Variants in UBOX5 observed in about 807,000 individuals in gnomAD.
UBOX5 encodes U-box domain containing 5.
A neutral mutation model predicts 39.0 loss-of-function variants in UBOX5; 28 were observed. That is an observed-to-expected ratio of 0.72 (90% CI 0.53 to 0.98). The LOEUF (loss-of-function observed/expected upper bound fraction) is 0.98. UBOX5 is among the 50% of genes least tolerant of loss of function. The pLI, the probability that UBOX5 is intolerant of heterozygous loss-of-function variation, is 0.00. For synonymous variants in UBOX5, 283 were observed against 275.5 expected, an observed-to-expected ratio of 1.03 and a Z score of -0.27; for missense variants, 585 against 674.4, an observed-to-expected ratio of 0.87 and a Z score of 1.47.
intron 2 of UBOX5, among the ~76,000 whole-genome samples, 180 bp downstream of exon 2, chr20:3,123,132 G>T (rs1055442003): frequency 6.6e-6 from 1 of 152,146 alleles, no homozygotes; most frequent in Non-Finnish European, 1.5e-5. Context: ...TCACCATGGC[G>T]CTGTGTGATT....
chr20:3,120,477 T>C (rs1233112293), intron 3 of UBOX5, among the ~76,000 whole-genome samples: 1 of 150,756 alleles, frequency 6.6e-6, no homozygotes, highest in Admixed American at 6.6e-5. Context: ...TGAAACCCCG[T>C]CTTTACTAAA....
intron 1 of UBOX5, among the ~76,000 whole-genome samples, chr20:3,124,855 T>TGA (rs1294979928): frequency 6.9e-6 from 1 of 145,816 alleles, no homozygotes; most frequent in Admixed American, 6.8e-5. Flanking sequence ...CTGCCCCTTC[T>TGA]GAGAAGTGAG....
At chr20:3,115,529 A>T in intron 3 of UBOX5, 63 bp from the exon 4 acceptor site, 1 of 1,520,030 alleles carries the variant, frequency 6.6e-7, no homozygotes, top group Non-Finnish European at 8.8e-7. Flanking sequence ...AACAGCCTCA[A>T]GTCCTTCGAG....
At chr20:3,157,849 A>T (rs769154461) in intron 1 of UBOX5, among the ~76,000 whole-genome samples, 4 of 152,144 alleles carry the variant, frequency 2.6e-5, no homozygotes, top group Admixed American at 2.6e-4. Flanking sequence ...GGCTGTATAG[A>T]GGCTGTATAG....
intron 1 of UBOX5, among the ~76,000 whole-genome samples, chr20:3,150,180 G>A (rs752150831): frequency 6.6e-6 from 1 of 152,100 alleles, no homozygotes; most frequent in Admixed American, 6.6e-5. Flanking sequence ...CAGAATTTGA[G>A]TCACTATTAG....
intron 1 of UBOX5, among the ~76,000 whole-genome samples, chr20:3,133,757 G>GT (rs373322613): frequency 8.0e-5 from 4 of 49,824 alleles, no homozygotes; most frequent in Non-Finnish European, 1.9e-4. Context: ...TATTTTTTTT[G>GT]GGGGGGGGAA....
Position 3,158,566 on chromosome 20 carries a change from C to T in UBOX5, c.-42+1200G>A, listed in dbSNP as rs184938981. Among the ~76,000 whole-genome samples, 448 of 152,272 alleles carry T rather than the reference C, an allele frequency of 2.9e-3. 1 individual carries two copies. The highest frequency in any genetic ancestry group is 0.01 in the African/African-American group (431 of 41,548). On this transcript the variant is annotated intron_variant, in intron 1 of 4. Coordinates refer to ENST00000217173, the MANE Select transcript of UBOX5 (RefSeq NM_014948.4). Reference sequence around the variant, plus strand: ...TCGGCTCACTGCACACTCCGCCTCCCGGGGTTCACGCCACGCTCCTGCCTC... The same window carrying T: ...TCGGCTCACTGCACACTCCGCCTCCTGGGGTTCACGCCACGCTCCTGCCTC...
chr20:3,118,726 C>T (rs1195260421), intron 3 of UBOX5, among the ~76,000 whole-genome samples: 4 of 150,944 alleles, frequency 2.6e-5, no homozygotes, highest in African/African-American at 7.3e-5. Flanking sequence ...GAGCCAAGAT[C>T]GCGCCACTGC....
intron 1 of UBOX5, among the ~76,000 whole-genome samples, chr20:3,143,094 TGTC>T (rs1479412534): frequency 1.4e-5 from 2 of 140,574 alleles, no homozygotes; most frequent in African/African-American, 2.6e-5. Context: ...GTTAATCATC[TGTC>T]TTTTTTTTTT....
At chr20:3,133,043 T>C (rs920486432) in intron 1 of UBOX5, among the ~76,000 whole-genome samples, 4 of 151,984 alleles carry the variant, frequency 2.6e-5, no homozygotes, top group Non-Finnish European at 4.4e-5. Context: ...GAAGATCAAA[T>C]TGAAATATGC....
At chr20:3,142,446 C>CA (rs771287360) in intron 1 of UBOX5, among the ~76,000 whole-genome samples, 6 of 151,322 alleles carry the variant, frequency 4.0e-5, no homozygotes, top group East Asian at 1.9e-4. Context: ...ACTAAAAATA[C>CA]AAAAAAAATC....
chr20:3,112,136 G>A (rs2066258413), intron 4 of UBOX5, among the ~76,000 whole-genome samples: 1 of 151,494 alleles, frequency 6.6e-6, no homozygotes, highest in Admixed American at 6.6e-5. Context: ...AAGGGAAGGA[G>A]GGAGGAATGA....
In UBOX5 at chr20:3,149,082, T is replaced by C; in HGVS notation, c.-42+10684A>G. The C allele has an allele frequency of 1.9e-6, 3 of 1,597,784 alleles. No individual in the cohort carries two copies. The highest frequency in any genetic ancestry group is 2.6e-6 in the Non-Finnish European group (3 of 1,171,598). On this transcript the variant is annotated intron_variant, in intron 1 of 4. Transcript: ENST00000217173. The surrounding 1 kb of genome is among the most constrained non-coding windows in gnomAD (Gnocchi z 4.1). ...AGAGTAGCTGCCATTCTGGTGTCAGTATTGATCTCTTTGGCAGTCAGAATA... is the reference window on the plus strand; with the variant it reads ...AGAGTAGCTGCCATTCTGGTGTCAGCATTGATCTCTTTGGCAGTCAGAATA...
intron 1 of UBOX5, among the ~76,000 whole-genome samples, chr20:3,151,538 AAC>A (rs2066624954): frequency 6.6e-6 from 1 of 152,172 alleles, no homozygotes; most frequent in Non-Finnish European, 1.5e-5. Flanking sequence ...CTATAATCCC[AAC>A]ACTTTGGGAA....
chr20:3,148,119 C>T, intron 1 of UBOX5: 1 of 1,614,010 alleles, frequency 6.2e-7, no homozygotes, highest in Non-Finnish European at 8.5e-7. Flanking sequence ...ATGGTACCAA[C>T]CTCCTCCAAA....
chr20:3,118,059 G>A (rs1600365993), intron 3 of UBOX5, among the ~76,000 whole-genome samples: 3 of 152,052 alleles, frequency 2.0e-5, no homozygotes, highest in Admixed American at 6.6e-5. Context: ...CTTGGCTACC[G>A]AGGCAGGAGA....
At chr20:3,147,731 G>A in intron 1 of UBOX5, 2 of 1,614,202 alleles carry the variant, frequency 1.2e-6, no homozygotes, top group Non-Finnish European at 8.5e-7. Context: ...AAATTCTTCT[G>A]CATTGGGTGG....
chr20:3,137,740 T>C (rs376493419), intron 1 of UBOX5, among the ~76,000 whole-genome samples: 1 of 152,266 alleles, frequency 6.6e-6, no homozygotes, highest in African/African-American at 2.4e-5. Flanking sequence ...ACAACCACAG[T>C]TGATACAGAA....
chr20:3,148,893 A>G lies in UBOX5; in HGVS notation c.-42+10873T>C, dbSNP rs780156595. The G allele has an allele frequency of 4.3e-6, 7 of 1,614,072 alleles. No homozygotes were observed. The highest frequency in any genetic ancestry group is 4.5e-5 in the East Asian group (2 of 44,904). ...ATTCTCCGAGAAGAGAAGGTGCTAC[A>G]TATGTTCTTAACTTTTTTGGCAGAA... On this transcript the variant is annotated intron_variant, in intron 1 of 4. Coordinates refer to ENST00000217173, the MANE Select transcript of UBOX5 (RefSeq NM_014948.4).
Sources: allele counts gnomAD v4.1 joint callset (sites outside exome capture counted in the v4.1 genomes callset), GRCh38; gene constraint gnomAD v4.1.1; non-coding constraint Gnocchi (gnomAD v3.1); transcripts MANE v1.5; gene names NCBI Gene and HGNC (gene_info 2026-07-23, HGNC 2026-07-21).